CACUL1: variants seen among roughly 807,000 people sequenced by gnomAD.
The protein encoded by CACUL1 is CDK2-associated and cullin domain-containing protein 1.
A neutral mutation model predicts 45.2 loss-of-function variants in CACUL1; 13 were observed. That is an observed-to-expected ratio of 0.29 (90% CI 0.19 to 0.46). The LOEUF (loss-of-function observed/expected upper bound fraction) is 0.46, where lower values mean the gene tolerates loss of function less well. Among genes scored for constraint, CACUL1 ranks in the 20% least tolerant of loss-of-function variants. The pLI, the probability that CACUL1 is intolerant of heterozygous loss-of-function variation, is 1.00. For missense variants in CACUL1, 421 were observed against 471.4 expected (o/e 0.89, Z 0.99); for synonymous variants, 197 against 174.2 (o/e 1.13, Z -1.03).
chr10:118,696,354 A>G (rs1407940941), intron 5 of CACUL1, among the ~76,000 whole-genome samples: 1 of 152,138 alleles, frequency 6.6e-6, no homozygotes, highest in Non-Finnish European at 1.5e-5. Flanking sequence ...GTTTTAAGAA[A>G]ATTTACAGGC....
At chr10:118,707,420 ACT>A in intron 4 of CACUL1, 70 bp downstream of exon 4, 1 of 701,510 alleles carries the variant, frequency 1.4e-6, no homozygotes. Flanking sequence ...AATATGCTTA[ACT>A]CTCTGCATCT....
intron 7 of CACUL1, among the ~76,000 whole-genome samples, chr10:118,688,701 T>C (rs753215574): frequency 2.6e-5 from 4 of 152,182 alleles, no homozygotes; most frequent in African/African-American, 2.4e-5. Flanking sequence ...AGTGTTACCG[T>C]TGACAACAGA....
chr10:118,739,299 C>A (rs187010062), intron 1 of CACUL1, among the ~76,000 whole-genome samples: 44 of 151,780 alleles, frequency 2.9e-4, no homozygotes, highest in Non-Finnish European at 6.0e-4. Context: ...CTTAGAAGAT[C>A]AAAACAGAAA....
chr10:118,713,558 A>T (rs977589715), intron 3 of CACUL1, among the ~76,000 whole-genome samples: 1 of 152,214 alleles, frequency 6.6e-6, no homozygotes, highest in Non-Finnish European at 1.5e-5. Flanking sequence ...GGATTCCCTG[A>T]ATTTTGTAAT....
At chr10:118,700,181 T>C (rs1227243826) in intron 5 of CACUL1, among the ~76,000 whole-genome samples, 1 of 152,046 alleles carries the variant, frequency 6.6e-6, no homozygotes, top group Non-Finnish European at 1.5e-5. Flanking sequence ...TGGTAAAAGT[T>C]CATTGTGGTG....
intron 3 of CACUL1, among the ~76,000 whole-genome samples, chr10:118,717,829 T>C (rs1277813840): frequency 6.6e-6 from 1 of 152,086 alleles, no homozygotes; most frequent in Admixed American, 6.6e-5. Flanking sequence ...AGAGAAGGAC[T>C]GGGGGCAGTG....
In CACUL1 at chr10:118,681,976, C is replaced by A. The variant is rs1845157971; in HGVS notation, c.*4152G>T. On this transcript the variant is annotated 3_prime_UTR_variant, in exon 9 of 9. Coordinates refer to ENST00000369151, the MANE Select transcript of CACUL1 (RefSeq NM_153810.5). ...AACAGGAGAGCCATTTCTCCAGGAA[C>A]TCCTATGACCTCCATTTTAACTTCT... 6.6e-6 allele frequency: 1 copy of A among 152,210 alleles called. No homozygotes were observed. The highest frequency in any genetic ancestry group is 6.5e-5 in the Admixed American group (1 of 15,284). 9.4% of individuals were successfully genotyped at this position (152,210 alleles called of 1,614,324 possible). A position where few individuals can be genotyped will look rare whatever the true frequency, so the allele number is the denominator to read the frequency against.
chr10:118,681,606 A>C lies in CACUL1; in HGVS notation c.*4522T>G, dbSNP rs752936795. 2.6e-5 allele frequency: 4 copies of C among 152,240 alleles called. No individual in the cohort carries two copies. Among genetic ancestry groups the C allele is most frequent in the African/African-American group, 4.8e-5 (2 of 41,460 alleles). 9.4% of individuals were successfully genotyped at this position (152,240 alleles called of 1,614,324 possible). A position where few individuals can be genotyped will look rare whatever the true frequency, so the allele number is the denominator to read the frequency against. ...AATTGTAAGCCATTAACATTTTTCT[A>C]AACAATGCAGTCCAGAGATGAAGAT... On this transcript the variant is annotated 3_prime_UTR_variant, in exon 9 of 9. Transcript: ENST00000369151.
Position 118,695,002 on chromosome 10 carries a change from T to G in CACUL1, c.886+139A>C, listed in dbSNP as rs1384039997. ...TGAGCTCTGAGTTTACATTTCACAA[T>G]GATGAGTATCTACTCAATTTTTTTG... On this transcript the variant is annotated intron_variant, in intron 6 of 8. Coordinates refer to ENST00000369151, the MANE Select transcript of CACUL1 (RefSeq NM_153810.5). 25 of 583,888 alleles carry G rather than the reference T, an allele frequency of 4.3e-5. No homozygotes were observed. In the Admixed American group the frequency reaches 6.2e-4, roughly 15 times the overall value. 36.2% of individuals were successfully genotyped at this position (583,888 alleles called of 1,614,324 possible).
At chr10:118,736,679 T>G (rs1845743564) in intron 1 of CACUL1, among the ~76,000 whole-genome samples, 1 of 152,086 alleles carries the variant, frequency 6.6e-6, no homozygotes, top group African/African-American at 2.4e-5. Context: ...AAAACCTAAG[T>G]GTACAATGTT....
chr10:118,738,264 G>T (rs897987645), intron 1 of CACUL1, among the ~76,000 whole-genome samples: 1 of 152,200 alleles, frequency 6.6e-6, no homozygotes, highest in African/African-American at 2.4e-5. Flanking sequence ...AAAAAGAACC[G>T]AGAAGGATTA....
At chr10:118,708,946 A>C (rs1352891115) in intron 3 of CACUL1, among the ~76,000 whole-genome samples, 2 of 152,144 alleles carry the variant, frequency 1.3e-5, no homozygotes, top group Middle Eastern at 3.2e-3. Context: ...GAGTTAGGGG[A>C]GCCAACACCC....
intron 1 of CACUL1, among the ~76,000 whole-genome samples, chr10:118,740,037 C>T (rs1412042250): frequency 6.6e-6 from 1 of 152,134 alleles, no homozygotes; most frequent in Non-Finnish European, 1.5e-5. Context: ...ATCCCAGCTA[C>T]TCAGGAGACT....
At chr10:118,737,134 GAA>G (rs200119188) in intron 1 of CACUL1, among the ~76,000 whole-genome samples, 17 of 129,924 alleles carry the variant, frequency 1.3e-4, no homozygotes, top group African/African-American at 2.9e-4. Flanking sequence ...TATTAGGAGG[GAA>G]AAAAAAAAAA....
intron 1 of CACUL1, among the ~76,000 whole-genome samples, chr10:118,747,487 C>A (rs1171398332): frequency 6.9e-6 from 1 of 144,798 alleles, no homozygotes; most frequent in Non-Finnish European, 1.5e-5. Flanking sequence ...CCAGAGACCA[C>A]CTAAATGATC....
chr10:118,752,272 A>T (rs899557141), intron 1 of CACUL1, among the ~76,000 whole-genome samples: 4 of 152,110 alleles, frequency 2.6e-5, no homozygotes, highest in Non-Finnish European at 5.9e-5. Context: ...AAATTTCTCC[A>T]TTAAGTATTA....
In CACUL1 at chr10:118,726,445, C is replaced by G. The variant is rs146714260; in HGVS notation, c.597+2850G>C. On this transcript the variant is annotated intron_variant, in intron 3 of 8. Transcript: ENST00000369151. Reference sequence around the variant, plus strand: ...GACAAACACGATAGAGTCCCTCCCCCTCAAGGAAGGGCCTGTGAAGTAGTC... The same window carrying G: ...GACAAACACGATAGAGTCCCTCCCCGTCAAGGAAGGGCCTGTGAAGTAGTC... The G allele has an allele frequency of 1.5e-3, 817 of 547,674 alleles. 8 individuals carry two copies. Among genetic ancestry groups the G allele is most frequent in the African/African-American group, 0.015 (742 of 50,482 alleles). 33.9% of individuals were successfully genotyped at this position (547,674 alleles called of 1,614,324 possible). A position where few individuals can be genotyped will look rare whatever the true frequency, so the allele number is the denominator to read the frequency against.
chr10:118,750,358 C>T (rs1489435341), intron 1 of CACUL1, among the ~76,000 whole-genome samples: 2 of 151,984 alleles, frequency 1.3e-5, no homozygotes, highest in Middle Eastern at 3.2e-3. Context: ...TTATGACATT[C>T]TTATTTCATG....
chr10:118,713,818 T>C (rs746796891), intron 3 of CACUL1, among the ~76,000 whole-genome samples: 3 of 152,206 alleles, frequency 2.0e-5, no homozygotes, highest in African/African-American at 7.2e-5. Flanking sequence ...ACAATGTATA[T>C]CTTGTAGTCA....
Sources: gnomAD v4.1 joint callset for allele counts (sites outside exome capture counted in the v4.1 genomes callset) on GRCh38, gnomAD v4.1.1 for gene constraint, MANE v1.5 for transcripts, NCBI Gene and HGNC (gene_info 2026-07-23, HGNC 2026-07-21) for gene names.